Variants in ZC3H12B observed in about 807,000 individuals in gnomAD.
ZC3H12B encodes the protein probable ribonuclease ZC3H12B.
A neutral mutation model predicts 43.9 loss-of-function variants in ZC3H12B; 7 were observed. The observed-to-expected ratio is 0.16, with a 90% CI of 0.09 to 0.30. ZC3H12B has a LOEUF of 0.30. Among genes scored for constraint, ZC3H12B ranks in the 10% least tolerant of loss-of-function variants. The pLI, the probability that ZC3H12B is intolerant of heterozygous loss-of-function variation, is 1.00. For synonymous variants in ZC3H12B, 222 were observed against 241.7 expected (o/e 0.92, Z 0.76); for missense variants, 475 against 670.2 (o/e 0.71, Z 3.22).
chrX:65,340,143 C>A, the ZC3H12B span, among the ~76,000 whole-genome samples: 30 of 111,953 alleles, frequency 2.7e-4, no homozygotes, highest in African/African-American at 8.1e-4. Context: ...GAGTGACCAC[C>A]CTTACCTCCA....
chrX:65,142,344 A>G, the ZC3H12B span, among the ~76,000 whole-genome samples: 2 of 111,449 alleles, frequency 1.8e-5, no homozygotes, highest in Non-Finnish European at 3.8e-5. Context: ...CCACTTTTTT[A>G]TGGGATTGTT....
the ZC3H12B span, among the ~76,000 whole-genome samples, chrX:65,287,715 A>G: frequency 9.0e-3 from 1,001 of 111,581 alleles, 4 homozygotes; most frequent in South Asian, 0.067. Context: ...AAAAACTGCA[A>G]AAAAATGCAA....
chrX:65,393,435 G>T lies in ZC3H12B; in HGVS notation n.296-5158G>T, dbSNP rs182159698. On this transcript the variant is annotated intron_variant and non_coding_transcript_variant, in intron 2 of 5. Transcript: ENST00000617377. ...GCATGCATTAGGTATTTGTCCTAAT[G>T]CTCTCCATCCCCTTGCCCCACAACC... 2.3e-3 allele frequency among the ~76,000 whole-genome samples: 252 copies of T among 110,606 alleles called. 2 individuals carry two copies. The highest frequency in any genetic ancestry group is 7.7e-3 in the African/African-American group (235 of 30,382).
intron 3 of ZC3H12B, among the ~76,000 whole-genome samples, chrX:65,476,988 A>AT (rs3065468): frequency 0.048 from 4,340 of 90,652 alleles, 265 homozygotes; most frequent in African/African-American, 0.16. Flanking sequence ...CTCCTGACTA[A>AT]TTTTTTTTTT....
At chrX:65,104,062 A>G in the ZC3H12B span, among the ~76,000 whole-genome samples, 1 of 111,697 alleles carries the variant, frequency 9.0e-6, no homozygotes, top group Admixed American at 9.5e-5. Flanking sequence ...TACTGGTACC[A>G]AAACAGATAT....
the ZC3H12B span, among the ~76,000 whole-genome samples, chrX:65,249,258 TG>T: frequency 8.9e-6 from 1 of 112,169 alleles, no homozygotes; most frequent in Non-Finnish European, 1.9e-5. Flanking sequence ...CTGTGTAAGG[TG>T]AGAGATGAGG....
chrX:65,379,636 G>T (rs1260382634), intron 2 of ZC3H12B, among the ~76,000 whole-genome samples: 18 of 112,478 alleles, frequency 1.6e-4, no homozygotes, highest in African/African-American at 5.2e-4. Context: ...AGAGAAGAAG[G>T]CTTCAGATGA....
the ZC3H12B span, among the ~76,000 whole-genome samples, chrX:65,284,001 G>T: frequency 9.0e-6 from 1 of 111,050 alleles, no homozygotes; most frequent in Non-Finnish European, 1.9e-5. Context: ...GGCTCTTTCA[G>T]CCAGGATGGG....
At position 65,379,742 on chromosome X, in the gene ZC3H12B, C is replaced by A. The variant is rs192303405; in HGVS notation, n.295+10744C>A. Among the ~76,000 whole-genome samples, 762 of 111,682 alleles carry A rather than the reference C, an allele frequency of 6.8e-3. 9 individuals carry two copies. Among genetic ancestry groups the A allele is most frequent in the African/African-American group, 0.023 (712 of 30,745 alleles). On this transcript the variant is annotated intron_variant and non_coding_transcript_variant, in intron 2 of 5. Transcript: ENST00000617377. ...TAGACGAATGTATAACTAGAATAAC[C>A]AATACAGCGAAGTGCTTAAAGGAGC...
At chrX:65,181,128 A>T in the ZC3H12B span, among the ~76,000 whole-genome samples, 1 of 111,511 alleles carries the variant, frequency 9.0e-6, no homozygotes, top group Non-Finnish European at 1.9e-5. Context: ...TCTTCGAAAA[A>T]CCTGACAAAA....
chrX:65,381,337 C>A (rs879974065), intron 2 of ZC3H12B, among the ~76,000 whole-genome samples: 4 of 111,628 alleles, frequency 3.6e-5, no homozygotes, highest in Non-Finnish European at 7.5e-5. Flanking sequence ...ACTAAACAAC[C>A]TGCTCCTGAA....
At chrX:65,168,205 G>A in the ZC3H12B span, among the ~76,000 whole-genome samples, 199 of 111,713 alleles carry the variant, frequency 1.8e-3, no homozygotes, top group Admixed American at 4.3e-3. Context: ...TTTGAGATAC[G>A]TCCCATCCAT....
chrX:65,080,490 G>T, the ZC3H12B span, among the ~76,000 whole-genome samples: 4 of 110,954 alleles, frequency 3.6e-5, no homozygotes, highest in Non-Finnish European at 5.7e-5. Context: ...CAAGAGAAAA[G>T]AAACAATTAA....
At chrX:65,361,341 TCA>T in the ZC3H12B span, among the ~76,000 whole-genome samples, 1 of 112,229 alleles carries the variant, frequency 8.9e-6, no homozygotes, top group African/African-American at 3.2e-5. Flanking sequence ...ATATTCATAC[TCA>T]GTCTTTGAAT....
the ZC3H12B span, among the ~76,000 whole-genome samples, chrX:65,115,873 A>G: frequency 3.6e-5 from 4 of 111,005 alleles, no homozygotes; most frequent in African/African-American, 1.3e-4. Context: ...CTGTCTCTTC[A>G]TGTCCTTTCC....
chrX:65,347,551 A>T, the ZC3H12B span, among the ~76,000 whole-genome samples: 1 of 112,132 alleles, frequency 8.9e-6, no homozygotes, highest in Non-Finnish European at 1.9e-5. Context: ...ATCTCACACC[A>T]GTTAGAATGG....
At chrX:65,423,250 C>A (rs5964438) in intron 3 of ZC3H12B, among the ~76,000 whole-genome samples, 2,327 of 111,764 alleles carry the variant, frequency 0.021, 65 homozygotes, top group African/African-American at 0.073. Flanking sequence ...TTTCTTTATC[C>A]AGTCTATCAC....
chrX:65,301,570 A>G, the ZC3H12B span, among the ~76,000 whole-genome samples: 11 of 111,724 alleles, frequency 9.8e-5, no homozygotes, highest in Non-Finnish European at 1.9e-4. Flanking sequence ...CTGGAATAGT[A>G]TTGGAGACAA....
chrX:65,488,711 T>C (rs1602525419), upstream of ZC3H12B: 1 of 1,059,851 alleles, frequency 9.4e-7, no homozygotes, highest in East Asian at 3.3e-5. Flanking sequence ...TACCACGACA[T>C]TTTACTACAA....
Sources: allele counts gnomAD v4.1 joint callset (sites outside exome capture counted in the v4.1 genomes callset), GRCh38; gene constraint gnomAD v4.1.1; transcripts MANE v1.5; gene names NCBI Gene and HGNC (gene_info 2026-07-23, HGNC 2026-07-21).